Variants in OLFM3 observed in about 807,000 individuals in gnomAD.
OLFM3 encodes the protein noelin-3.
OLFM3 carries 20 observed loss-of-function variants against 48.6 expected under a neutral mutation model. The observed-to-expected ratio is 0.41, with a 90% confidence interval of 0.29 to 0.60. OLFM3 has a LOEUF of 0.60. Ranked by LOEUF, OLFM3 falls within the 20% of genes least tolerant of loss-of-function variation. The probability of loss-of-function intolerance (pLI) is 0.28; values close to 1 mark genes in which losing one functional copy is unlikely to be tolerated. For missense variants in OLFM3, 437 were observed against 544.3 expected, an observed-to-expected ratio of 0.80 and a Z score of 1.96; for synonymous variants, 222 against 198.1, an observed-to-expected ratio of 1.12 and a Z score of -1.01.
intron 1 of OLFM3, among the ~76,000 whole-genome samples, chr1:101,956,822 G>A (rs929279307): frequency 6.6e-6 from 1 of 151,878 alleles, no homozygotes; most frequent in Non-Finnish European, 1.5e-5. Flanking sequence ...GAAAGAAAGA[G>A]AGATGGTATC....
chr1:101,836,720 C>T (rs1655431063), intron 2 of OLFM3, among the ~76,000 whole-genome samples, 159 bp downstream of exon 2: 1 of 151,756 alleles, frequency 6.6e-6, no homozygotes, highest in Admixed American at 6.6e-5. Flanking sequence ...TAGCAGGAAG[C>T]TTGAGGTAAC....
chr1:101,821,852 T>C (rs1185561506), intron 4 of OLFM3, among the ~76,000 whole-genome samples: 1 of 152,168 alleles, frequency 6.6e-6, no homozygotes, highest in African/African-American at 2.4e-5. Flanking sequence ...ATTTGTATTA[T>C]ACTAGTTGCC....
chr1:101,804,986 A>T lies in OLFM3; in HGVS notation c.700-71T>A. The T allele has an allele frequency of 8.5e-7, 1 of 1,178,678 alleles. No individual in the cohort carries two copies. Among genetic ancestry groups the T allele is most frequent in the Non-Finnish European group, 1.2e-6 (1 of 840,108 alleles). 73.0% of individuals were successfully genotyped at this position (1,178,678 alleles called of 1,614,324 possible). A position where few individuals can be genotyped will look rare whatever the true frequency, so the allele number is the denominator to read the frequency against. ...TTTCTGATAACCCCAAAAGAAAGACAGTGAGAGTCAACACTTATTATAATT... is the reference window on the plus strand; with the variant it reads ...TTTCTGATAACCCCAAAAGAAAGACTGTGAGAGTCAACACTTATTATAATT... On this transcript the variant is annotated intron_variant, in intron 5 of 5. Coordinates refer to ENST00000370103, the MANE Select transcript of OLFM3 (RefSeq NM_058170.4). This position sits in a 1 kb window ranked among gnomAD's most constrained non-coding sequence, Gnocchi z 4.5.
rs17125795 is a variant in OLFM3 at position 101,940,657 on chromosome 1, T to C, written c.69+56091A>G. ...GTCAGGTGTCACACATTCCTTGATA[T>C]TCCCCAAACTGTAACTACCCAGCTA... On this transcript the variant is annotated intron_variant, in intron 1 of 5. Transcript: ENST00000370103. Among the ~76,000 whole-genome samples, 145 of 151,228 alleles carry C rather than the reference T, an allele frequency of 9.6e-4. 1 individual carries two copies. The highest frequency in any genetic ancestry group is 3.3e-3 in the African/African-American group (136 of 41,302).
intron 1 of OLFM3, among the ~76,000 whole-genome samples, chr1:101,912,675 G>A (rs1290100189): frequency 2.6e-5 from 4 of 152,266 alleles, no homozygotes; most frequent in Admixed American, 1.3e-4. Flanking sequence ...CAAATACGAC[G>A]TCTTCCAATT....
intron 1 of OLFM3, among the ~76,000 whole-genome samples, chr1:101,945,484 G>A (rs1012093685): frequency 3.3e-5 from 5 of 151,298 alleles, no homozygotes; most frequent in South Asian, 2.1e-4. Context: ...GCAGGTCAGT[G>A]GTTTCTGTGG....
chr1:101,826,445 T>G (rs765747309), intron 3 of OLFM3, among the ~76,000 whole-genome samples: 21 of 152,188 alleles, frequency 1.4e-4, no homozygotes, highest in Non-Finnish European at 2.8e-4. Context: ...CTGTCAGAAA[T>G]TATACTGTAC....
In OLFM3 at chr1:101,825,138, C is replaced by T. The variant is rs1654799579; in HGVS notation, c.480G>A (p.Leu160=). 1.2e-6 allele frequency: 2 copies of T among 1,613,960 alleles called. No individual in the cohort carries two copies. Among genetic ancestry groups the T allele is most frequent in the African/African-American group, 1.3e-5 (1 of 74,920 alleles). Residue 160 remains leucine (L), a synonymous_variant, in exon 4 of 6, where the codon CTG becomes CTA. Transcript: ENST00000370103. ...CCTGAATACCAGTGAGGACAGCAGA[C>T]AGATTCCTTATTTCCTCCTTGAACT... is the stretch of plus-strand genomic sequence containing the variant. ...ITQFKEEIRN[L]SAVLTGIQEE...
intron 1 of OLFM3, chr1:101,882,384 T>C (rs1158021796): frequency 2.0e-5 from 3 of 149,358 alleles, no homozygotes; most frequent in Non-Finnish European, 4.4e-5. Flanking sequence ...TCTGATATTG[T>C]TATATAATCA....
intron 1 of OLFM3, among the ~76,000 whole-genome samples, chr1:101,955,817 CT>C (rs1660270991): frequency 2.6e-5 from 4 of 151,972 alleles, no homozygotes; most frequent in African/African-American, 7.2e-5. Context: ...CATCTAATTG[CT>C]TATTGCACAT....
At chr1:101,834,510 T>A (rs1199997996) in intron 2 of OLFM3, among the ~76,000 whole-genome samples, 3 of 152,210 alleles carry the variant, frequency 2.0e-5, no homozygotes, top group Non-Finnish European at 4.4e-5. Context: ...TGTGAAACTA[T>A]AGAGAGATAA....
rs1553178073 is a variant in OLFM3 at position 101,896,004 on chromosome 1, T to TAATAA, written c.70-58980_70-58979insTTATT. On this transcript the variant is annotated intron_variant, in intron 1 of 5. Coordinates refer to ENST00000370103, the MANE Select transcript of OLFM3 (RefSeq NM_058170.4). ...ATAATAATAATAATAATAATAATAATAAAAGTATGCATAGTATTTGCTTAT... is the reference window on the plus strand; with the variant it reads ...ATAATAATAATAATAATAATAATAATAATAAAAAAGTATGCATAGTATTTGCTTAT... Among the ~76,000 whole-genome samples the TAATAA allele has an allele frequency of 1.6e-3, 215 of 137,926 alleles. 1 individual carries two copies. The highest frequency in any genetic ancestry group is 5.0e-3 in the African/African-American group (199 of 39,530). The allele number at this position is 137,926 out of a possible 152,430, so 90.5% of individuals were successfully genotyped here. A position where few individuals can be genotyped will look rare whatever the true frequency, so the allele number is the denominator to read the frequency against.
chr1:101,846,689 T>C (rs1185297498), intron 1 of OLFM3, among the ~76,000 whole-genome samples: 1 of 152,130 alleles, frequency 6.6e-6, no homozygotes, highest in African/African-American at 2.4e-5. Flanking sequence ...ATAAAGTGTT[T>C]ATAAATAAAT....
At chr1:101,924,618 T>C (rs940427659) in intron 1 of OLFM3, among the ~76,000 whole-genome samples, 2 of 152,216 alleles carry the variant, frequency 1.3e-5, no homozygotes, top group Non-Finnish European at 2.9e-5. Flanking sequence ...TGCAACACTG[T>C]CATTCCCAAT....
intron 1 of OLFM3, among the ~76,000 whole-genome samples, chr1:101,934,389 G>T (rs990218669): frequency 1.3e-5 from 2 of 152,142 alleles, no homozygotes; most frequent in African/African-American, 4.8e-5. Context: ...TTGCATAATT[G>T]TAAGGGGTTC....
At chr1:101,947,460 CA>C in intron 1 of OLFM3, among the ~76,000 whole-genome samples, 1 of 152,110 alleles carries the variant, frequency 6.6e-6, no homozygotes, top group Non-Finnish European at 1.5e-5. Flanking sequence ...AAAAAATAGC[CA>C]TTTAGAAATA....
In OLFM3 at chr1:101,854,482, G is replaced by GA. The variant is rs1299123206; in HGVS notation, c.70-17458dup. ...CAGCTGTTGTTGCTACTTCAAAGGA[G>GA]AAAAAATGGATGTGTGGGAGAGAAA... On this transcript the variant is annotated intron_variant, in intron 1 of 5. Coordinates refer to ENST00000370103, the MANE Select transcript of OLFM3 (RefSeq NM_058170.4). Among the ~76,000 whole-genome samples, 11 of 152,076 alleles carry GA rather than the reference G, an allele frequency of 7.2e-5. 1 individual carries two copies. Among genetic ancestry groups the GA allele is most frequent in the East Asian group, 3.9e-4 (2 of 5,186 alleles).
At chr1:101,805,308 C>T (rs1045812058) in intron 5 of OLFM3, among the ~76,000 whole-genome samples, 2 of 151,674 alleles carry the variant, frequency 1.3e-5, no homozygotes, top group Non-Finnish European at 2.9e-5. Flanking sequence ...CTATCCCTTG[C>T]TCTGAAAAAA....
At position 101,957,726 on chromosome 1, in the gene OLFM3, G is replaced by A. The variant is rs183939048; in HGVS notation, c.69+39022C>T. The stretch of plus-strand genomic sequence containing the variant: ...TGGGAAGAGGCTGAATAATTAGGAA[G>A]TAAGAGAGTAACAGTGTGGCTTCTT... On this transcript the variant is annotated intron_variant, in intron 1 of 5. Transcript: ENST00000370103. Among the ~76,000 whole-genome samples the A allele has an allele frequency of 6.8e-4, 104 of 152,178 alleles. 2 individuals are homozygous for A. The highest frequency in any genetic ancestry group is 1.4e-3 in the Non-Finnish European group (92 of 67,942).
Sources: gnomAD v4.1 joint callset for allele counts (sites outside exome capture counted in the v4.1 genomes callset) on GRCh38, gnomAD v4.1.1 for gene constraint, Gnocchi (gnomAD v3.1) non-coding constraint, MANE v1.5 for transcripts, NCBI Gene and HGNC (gene_info 2026-07-23, HGNC 2026-07-21) for gene names.